Variants in CLRN1 observed in about 807,000 individuals in gnomAD.
The protein encoded by CLRN1 is clarin 1, also known as clarin-1.
Under a neutral mutation model 18.7 loss-of-function variants are expected in CLRN1, and 15 were observed. That is an observed-to-expected ratio of 0.80 (90% confidence interval 0.54 to 1.23). The LOEUF is 1.23. Among genes scored for constraint, CLRN1 ranks in the 50% most tolerant of loss-of-function variants. The probability of loss-of-function intolerance (pLI) is 0.00; values close to 1 mark genes in which losing one functional copy is unlikely to be tolerated. For synonymous variants in CLRN1, 104 were observed against 102.9 expected, an observed-to-expected ratio of 1.01 and a Z score of -0.07; for missense variants, 311 against 277.5, an observed-to-expected ratio of 1.12 and a Z score of -0.86.
chr3:150,928,330 AT>A (rs1358626893), intron 2 of CLRN1, 129 bp from the exon 3 acceptor site: 3 of 1,183,296 alleles, frequency 2.5e-6, no homozygotes, highest in Non-Finnish European at 3.6e-6. Context: ...ACAAAAAATT[AT>A]TGCATATTTG....
intron 1 of CLRN1, among the ~76,000 whole-genome samples, chr3:150,947,707 A>G (rs1339949113): frequency 6.6e-6 from 1 of 152,224 alleles, no homozygotes; most frequent in Admixed American, 6.5e-5. Flanking sequence ...AAACACCCTC[A>G]GACCACGGTA....
Position 150,927,366 on chromosome 3 carries a change from C to A in CLRN1, c.*570G>T, listed in dbSNP as rs1712859472. 2.3e-6 allele frequency: 1 copy of A among 435,588 alleles called. No homozygotes were observed. Among genetic ancestry groups the A allele is most frequent in the Non-Finnish European group, 4.6e-6 (1 of 218,646 alleles). 27.0% of individuals were successfully genotyped at this position (435,588 alleles called of 1,614,324 possible). ...ACTCGAACTCCTGAACTCAAATGAT[C>A]TTCCCACCTTGGCCTCCTGAAGTGC... is the stretch of plus-strand genomic sequence containing the variant. On this transcript the variant is annotated 3_prime_UTR_variant, in exon 3 of 3. Coordinates refer to ENST00000327047, the MANE Select transcript of CLRN1 (RefSeq NM_174878.3).
intron 1 of CLRN1, among the ~76,000 whole-genome samples, chr3:150,968,041 A>C (rs189272082): frequency 7.9e-5 from 12 of 152,314 alleles, no homozygotes; most frequent in Non-Finnish European, 1.0e-4. Context: ...AGTATGACTA[A>C]AGTTGCAAGC....
Position 150,926,800 on chromosome 3 carries a change from G to C in CLRN1, c.*1136C>G. On this transcript the variant is annotated 3_prime_UTR_variant, in exon 3 of 3. Coordinates refer to ENST00000327047, the MANE Select transcript of CLRN1 (RefSeq NM_174878.3). ...GCTGTCATTCTCTGCTTTTTCCTTG[G>C]TGCTTTCTGGAGGACAGCAGGTTGA... The C allele has an allele frequency of 6.2e-7, 1 of 1,614,006 alleles. No individual in the cohort carries two copies. The highest frequency in any genetic ancestry group is 8.5e-7 in the Non-Finnish European group (1 of 1,179,998).
At chr3:150,936,903 G>A (rs373878955) in intron 2 of CLRN1, among the ~76,000 whole-genome samples, 38 of 152,126 alleles carry the variant, frequency 2.5e-4, no homozygotes, top group African/African-American at 8.2e-4. Flanking sequence ...TACTTGGGAC[G>A]TTCTGTGAAG....
chr3:150,956,402 G>T (rs1714736980), intron 1 of CLRN1, among the ~76,000 whole-genome samples: 1 of 152,102 alleles, frequency 6.6e-6, no homozygotes, highest in Non-Finnish European at 1.5e-5. Flanking sequence ...CTGGTAAGCA[G>T]AAATTTCTGA....
At chr3:150,946,816 A>G (rs557714969) in intron 1 of CLRN1, among the ~76,000 whole-genome samples, 1 of 149,946 alleles carries the variant, frequency 6.7e-6, no homozygotes, top group Admixed American at 6.7e-5. Flanking sequence ...TTACATACAT[A>G]TACATGTGCC....
intron 1 of CLRN1, chr3:150,942,551 T>A: frequency 2.2e-6 from 1 of 449,658 alleles, no homozygotes; most frequent in Non-Finnish European, 4.5e-6. Flanking sequence ...ACTGAGCACC[T>A]ACTATGTGCC....
In CLRN1 at chr3:150,948,483, C is replaced by CAA. The variant is rs55846714; in HGVS notation, c.254-6724_254-6723dup. ...TGGGCGACAGAGCGAGACTCCGTCT[C>CAA]AAAAAAAAAAAAAAAAAAAAAAAAA... On this transcript the variant is annotated intron_variant, in intron 1 of 2. Transcript: ENST00000327047. 7.2e-3 allele frequency among the ~76,000 whole-genome samples: 393 copies of CAA among 54,384 alleles called. 45 individuals carry two copies. The highest frequency in any genetic ancestry group is 0.018 in the African/African-American group (188 of 10,468). The allele number at this position is 54,384 out of a possible 152,430, so 35.7% of individuals were successfully genotyped here.
At chr3:150,969,387 C>T (rs1330812942) in intron 1 of CLRN1, among the ~76,000 whole-genome samples, 5 of 119,256 alleles carry the variant, frequency 4.2e-5, no homozygotes, top group Admixed American at 1.2e-4. Flanking sequence ...AGTGCAGTGG[C>T]GAGATCTCGG....
intron 2 of CLRN1, among the ~76,000 whole-genome samples, chr3:150,936,706 AT>A (rs1014260584): frequency 1.3e-5 from 2 of 152,204 alleles, no homozygotes; most frequent in Non-Finnish European, 2.9e-5. Flanking sequence ...ATTAGAATCA[AT>A]TCTAAAAGAC....
At chr3:150,971,235 C>A (rs956203370) in intron 1 of CLRN1, among the ~76,000 whole-genome samples, 1 of 152,156 alleles carries the variant, frequency 6.6e-6, no homozygotes, top group Non-Finnish European at 1.5e-5. Flanking sequence ...GCAACTCTAA[C>A]AGCCCCATTA....
intron 1 of CLRN1, chr3:150,944,050 G>C: frequency 1.2e-6 from 1 of 851,364 alleles, no homozygotes; most frequent in Non-Finnish European, 1.9e-6. Context: ...AATAAAATAG[G>C]GTAATGGGAT....
chr3:150,955,785 C>T (rs1231010003), intron 1 of CLRN1, among the ~76,000 whole-genome samples: 1 of 152,136 alleles, frequency 6.6e-6, no homozygotes, highest in African/African-American at 2.4e-5. Context: ...TCTTCCTACT[C>T]TGTTTCTGTT....
intron 1 of CLRN1, among the ~76,000 whole-genome samples, chr3:150,958,709 CTCT>C (rs1434082333): frequency 8.5e-5 from 13 of 152,204 alleles, no homozygotes; most frequent in African/African-American, 2.2e-4. Flanking sequence ...CATAGAGTAC[CTCT>C]CCTTCTTGGA....
chr3:150,934,859 T>C (rs1194835589), intron 2 of CLRN1, among the ~76,000 whole-genome samples: 1 of 152,060 alleles, frequency 6.6e-6, no homozygotes, highest in Non-Finnish European at 1.5e-5. Flanking sequence ...CACTGTATTA[T>C]AAATCTTGAG....
intron 1 of CLRN1, among the ~76,000 whole-genome samples, chr3:150,967,699 G>T (rs199910858): frequency 2.0e-5 from 3 of 152,142 alleles, no homozygotes; most frequent in South Asian, 4.1e-4. Flanking sequence ...TAGGAGAGAC[G>T]CAAGGTGTGC....
chr3:150,940,177 G>C (rs888525879), intron 2 of CLRN1, among the ~76,000 whole-genome samples: 1 of 152,218 alleles, frequency 6.6e-6, no homozygotes, highest in African/African-American at 2.4e-5. Context: ...AGACTCTTCT[G>C]TTATAGGATA....
chr3:150,944,556 T>A (rs1321203115), intron 1 of CLRN1, among the ~76,000 whole-genome samples: 1 of 147,130 alleles, frequency 6.8e-6, no homozygotes, highest in Non-Finnish European at 1.5e-5. Flanking sequence ...AGGACTTGTT[T>A]AAAAAAAAAA....
Sources: allele counts gnomAD v4.1 joint callset (sites outside exome capture counted in the v4.1 genomes callset), GRCh38; gene constraint gnomAD v4.1.1; transcripts MANE v1.5; gene names NCBI Gene and HGNC (gene_info 2026-07-23, HGNC 2026-07-21).